BEND3: variants seen among roughly 807,000 people sequenced by gnomAD.
BEND3 encodes the protein BEN domain containing 3, also known as BEN domain-containing protein 3.
Under a neutral mutation model 60.1 loss-of-function variants are expected in BEND3, and 13 were observed. The ratio of observed to expected loss-of-function variants is 0.22; its 90% CI spans 0.14 to 0.34. The LOEUF (loss-of-function observed/expected upper bound fraction) is 0.34. Among genes scored for constraint, BEND3 ranks in the 10% least tolerant of loss-of-function variants. The pLI, the probability that BEND3 is intolerant of heterozygous loss-of-function variation, is 1.00. For missense variants in BEND3, 896 were observed against 1,138.1 expected (o/e 0.79, Z 3.06); for synonymous variants, 497 against 491.5 (o/e 1.01, Z -0.15).
At chr6:107,086,776 C>T (rs868927351) in intron 3 of BEND3, among the ~76,000 whole-genome samples, 20 of 151,854 alleles carry the variant, frequency 1.3e-4, no homozygotes, top group African/African-American at 4.1e-4. Context: ...CCTGTAATCC[C>T]AGCACTTTGG....
intron 1 of BEND3, among the ~76,000 whole-genome samples, chr6:107,108,186 C>T (rs939531791): frequency 2.0e-5 from 3 of 152,230 alleles, no homozygotes; most frequent in African/African-American, 4.8e-5. Flanking sequence ...CAGAGCACAA[C>T]CTCATCTTCC....
At position 107,069,803 on chromosome 6, in the gene BEND3, T is replaced by G. The variant is rs1554231604; in HGVS notation, c.1388A>C (p.Gln463Pro). ...NYTEIYFPDM[Q>P]EEEAWLQQCA... ...CTGCTGCAGCCAGGCCTCCTCCTCC[T>G]GCATGTCAGGGAAGTAGATCTCCGT... Residue 463 changes from glutamine to proline, a missense_variant, in exon 4 of 4, where the codon CAG becomes CCG. Gln to Pro is a moderately conservative substitution (Grantham distance 76, BLOSUM62 -1). Transcript: ENST00000369042. The G allele has an allele frequency of 1.2e-6, 2 of 1,613,420 alleles. No homozygotes were observed. The highest frequency in any genetic ancestry group is 1.7e-6 in the Non-Finnish European group (2 of 1,179,970).
chr6:107,080,354 C>CAAAAA (rs11402351), intron 3 of BEND3, among the ~76,000 whole-genome samples: 60 of 83,220 alleles, frequency 7.2e-4, no homozygotes, highest in East Asian at 1.6e-3. Flanking sequence ...GATCCCATCT[C>CAAAAA]AAAAAAAAAA....
chr6:107,113,129 G>A (rs1562320567), intron 1 of BEND3, among the ~76,000 whole-genome samples: 1 of 150,718 alleles, frequency 6.6e-6, no homozygotes, highest in East Asian at 1.9e-4. Context: ...CTGCACTACA[G>A]CCTGGTGATA....
At chr6:107,097,237 C>A (rs1775603938) in intron 3 of BEND3, among the ~76,000 whole-genome samples, 1 of 151,564 alleles carries the variant, frequency 6.6e-6, no homozygotes, top group Non-Finnish European at 1.5e-5. Flanking sequence ...CGTGGTGGCA[C>A]ACGCTTATAA....
At chr6:107,088,426 T>C (rs1448214154) in intron 3 of BEND3, among the ~76,000 whole-genome samples, 1 of 152,040 alleles carries the variant, frequency 6.6e-6, no homozygotes, top group Admixed American at 6.6e-5. Context: ...GAAACCACAA[T>C]GACTGAGAAT....
At chr6:107,076,951 T>C (rs983066559) in intron 3 of BEND3, among the ~76,000 whole-genome samples, 2 of 151,960 alleles carry the variant, frequency 1.3e-5, no homozygotes, top group Admixed American at 6.6e-5. Context: ...AGGCTCAAGT[T>C]ATCCTCCCAC....
At chr6:107,075,490 A>G (rs1775082251) in intron 3 of BEND3, among the ~76,000 whole-genome samples, 1 of 152,214 alleles carries the variant, frequency 6.6e-6, no homozygotes, top group South Asian at 2.1e-4. Context: ...TGTAGAATGT[A>G]AAGTAAAATT....
chr6:107,104,368 T>A (rs1775771068), intron 1 of BEND3, among the ~76,000 whole-genome samples: 1 of 151,454 alleles, frequency 6.6e-6, no homozygotes, highest in Non-Finnish European at 1.5e-5. Context: ...GGACACTTCA[T>A]CTTTTTAGTG....
intron 1 of BEND3, among the ~76,000 whole-genome samples, chr6:107,106,622 T>TC (rs1775820225): frequency 6.6e-6 from 1 of 152,078 alleles, no homozygotes; most frequent in Non-Finnish European, 1.5e-5. Context: ...ATTTTTTTTT[T>TC]CCCCAGAGAT....
intron 1 of BEND3, among the ~76,000 whole-genome samples, chr6:107,102,781 C>G (rs1775728159): frequency 6.6e-6 from 1 of 152,212 alleles, no homozygotes; most frequent in Non-Finnish European, 1.5e-5. Flanking sequence ...CCTGTAACAT[C>G]TGCAGCCCAC....
In BEND3 at chr6:107,070,745, A is replaced by C; in HGVS notation, c.446T>G (p.Leu149Arg). ...CTCAAAGAGCTCGTACACGTTTAGC[A>C]GGTCCCCCGAGGGAGGATTCTTCTT... The part of the protein sequence containing the change: ...MEKKNPPSGD[L>R]LNVYELFEKA... The change falls in exon 4 of 4, where the codon CTG becomes CGG. Residue 149 changes from leucine (L) to arginine (R), a missense_variant. By Grantham distance (102) the Leu-to-Arg change is moderately radical (BLOSUM62 -2). Coordinates refer to ENST00000369042, the MANE Select transcript of BEND3 (RefSeq NM_001367314.1). This position sits in a 1 kb window ranked among gnomAD's most constrained non-coding sequence, Gnocchi z 6.9. 6.2e-7 allele frequency: 1 copy of C among 1,614,026 alleles called. No homozygotes were observed. The highest frequency in any genetic ancestry group is 8.5e-7 in the Non-Finnish European group (1 of 1,180,020).
intron 3 of BEND3, among the ~76,000 whole-genome samples, chr6:107,087,348 G>A (rs1775374765): frequency 6.6e-6 from 1 of 151,896 alleles, no homozygotes; most frequent in African/African-American, 2.4e-5. Flanking sequence ...AAAACGACAA[G>A]GCGTACTAAG....
Position 107,068,971 on chromosome 6 carries a change from G to C in BEND3, c.2220C>G (p.Ala740=), listed in dbSNP as rs200172315. 2 of 1,613,864 alleles carry C rather than the reference G, an allele frequency of 1.2e-6. No individual in the cohort carries two copies. Among genetic ancestry groups the C allele is most frequent in the Non-Finnish European group, 1.7e-6 (2 of 1,180,032 alleles). ...GAAACAGGCGGACGAGGAGCCGGGC[G>C]GCAAAGTTGCCCACGGAGAGGCTCT... ...VQQSLSVGNF[A]ARLLVRLFPE... The change falls in exon 4 of 4, where the codon GCC becomes GCG. Residue 740 remains alanine (A), a synonymous_variant. Coordinates refer to ENST00000369042, the MANE Select transcript of BEND3 (RefSeq NM_001367314.1). The surrounding 1 kb of genome is among the most constrained non-coding windows in gnomAD (Gnocchi z 5.8).
intron 1 of BEND3, among the ~76,000 whole-genome samples, chr6:107,104,917 G>A (rs1329029099): frequency 4.6e-5 from 7 of 151,870 alleles, no homozygotes; most frequent in African/African-American, 2.4e-5. Context: ...CACCCACCTC[G>A]ACCTCCCAAA....
Position 107,070,054 on chromosome 6 carries a change from A to T in BEND3, c.1137T>A (p.Ser379=), listed in dbSNP as rs782419806. 10 of 1,613,690 alleles carry T rather than the reference A, an allele frequency of 6.2e-6. No homozygotes were observed. In the South Asian group the frequency reaches 9.9e-5, roughly 16 times the overall value. ...AGGCGATGGTGCTGCTCCGGTCAAG[A>T]GACAGGGCCTCCTCCTGGTCTTTGT... ...LDNKDQEEAL[S]LDRSSTIASD... The change falls in exon 4 of 4, where the codon TCT becomes TCA. Residue 379 remains serine, a synonymous_variant. Coordinates refer to ENST00000369042, the MANE Select transcript of BEND3 (RefSeq NM_001367314.1). This position sits in a 1 kb window ranked among gnomAD's most constrained non-coding sequence, Gnocchi z 6.9.
chr6:107,093,104 T>C (rs1302496565), intron 3 of BEND3, among the ~76,000 whole-genome samples: 6 of 152,216 alleles, frequency 3.9e-5, no homozygotes, highest in Non-Finnish European at 5.9e-5. Context: ...CCCAGCAAGC[T>C]ATTTTGCTGA....
At chr6:107,079,995 C>T (rs910299474) in intron 3 of BEND3, among the ~76,000 whole-genome samples, 4 of 151,834 alleles carry the variant, frequency 2.6e-5, no homozygotes, top group African/African-American at 9.7e-5. Context: ...CCTCCCAAAA[C>T]GCTAGGATTA....
chr6:107,111,981 CAAAAAAAAAAA>C (rs57840795), intron 1 of BEND3, among the ~76,000 whole-genome samples: 136,298 of 145,456 alleles, frequency 0.94, 64,157 homozygotes, highest in South Asian at 1. Flanking sequence ...GACTCCGTTT[CAAAAAAAAAAA>C]AAAAAAAAAA....
Sources: allele counts gnomAD v4.1 joint callset (sites outside exome capture counted in the v4.1 genomes callset), GRCh38; gene constraint gnomAD v4.1.1; non-coding constraint Gnocchi (gnomAD v3.1); transcripts MANE v1.5; gene names NCBI Gene and HGNC (gene_info 2026-07-23, HGNC 2026-07-21).